The following ANKHD1 variants were observed in gnomAD, a reference collection of about 807,000 sequenced individuals.
The protein encoded by ANKHD1 is ankyrin repeat and KH domain containing 1.
Under a neutral mutation model 230.5 loss-of-function variants are expected in ANKHD1, and 31 were observed. That is an observed-to-expected ratio of 0.13 (90% confidence interval 0.10 to 0.18). The LOEUF (loss-of-function observed/expected upper bound fraction) is 0.18, where lower values mean the gene tolerates loss of function less well. ANKHD1 is among the 10% of genes least tolerant of loss of function. The pLI is 1.00. For missense variants in ANKHD1, 2,256 were observed against 3,071.3 expected (o/e 0.73, Z 6.27); for synonymous variants, 1,074 against 1,117.6 (o/e 0.96, Z 0.78).
intron 5 of ANKHD1, among the ~76,000 whole-genome samples, chr5:140,442,671 AT>A (rs961258317): frequency 3.3e-5 from 5 of 152,130 alleles, no homozygotes; most frequent in Non-Finnish European, 5.9e-5. Context: ...GATTTACTTA[AT>A]TTTTTATCTG....
chr5:140,449,434 T>C, intron 7 of ANKHD1, 129 bp downstream of exon 7: 2 of 1,029,202 alleles, frequency 1.9e-6, no homozygotes, highest in Admixed American at 5.2e-5. Flanking sequence ...AGAGGCCAAG[T>C]CGGGCGGATC....
chr5:140,429,567 G>T (rs950768333), intron 1 of ANKHD1, among the ~76,000 whole-genome samples: 8 of 152,104 alleles, frequency 5.3e-5, no homozygotes, highest in Non-Finnish European at 8.8e-5. Flanking sequence ...AGCTTGGCTG[G>T]TGTTCTTTTT....
chr5:140,518,357 G>A (rs1185655525), intron 24 of ANKHD1, among the ~76,000 whole-genome samples: 1 of 152,052 alleles, frequency 6.6e-6, no homozygotes, highest in Non-Finnish European at 1.5e-5. Flanking sequence ...TCTACCAGAG[G>A]TACAAGGAGG....
Position 140,527,908 on chromosome 5 carries a change from C to T in ANKHD1, c.5123C>T (p.Ser1708Leu). The T allele has an allele frequency of 6.2e-7, 1 of 1,613,624 alleles. No individual in the cohort carries two copies. The highest frequency in any genetic ancestry group is 8.5e-7 in the Non-Finnish European group (1 of 1,179,844). Residue 1708 changes from serine to leucine, a missense_variant, in exon 28 of 34, where the codon TCG becomes TTG. Ser to Leu is a moderately radical substitution (Grantham distance 145). Coordinates refer to ENST00000360839, the MANE Select transcript of ANKHD1 (RefSeq NM_017747.3). This position sits in a 1 kb window ranked among gnomAD's most constrained non-coding sequence, Gnocchi z 4.5. ...KKLSVPASVV[S>L]RIMGRGGCNI... ...TTGTCTGTTCCAGCCTCAGTGGTGT[C>T]GAGGATAATGGGAAGAGGAGGATGC...
At chr5:140,538,839 T>C in intron 32 of ANKHD1, 80 bp from the exon 33 acceptor site, 2 of 1,322,456 alleles carry the variant, frequency 1.5e-6, no homozygotes, top group East Asian at 2.8e-5. Context: ...TAGAGAAGTC[T>C]AAGCTGGTAT....
intron 32 of ANKHD1, 122 bp downstream of exon 32, chr5:140,538,383 G>A (rs1754168260): frequency 1.3e-6 from 2 of 1,487,498 alleles, no homozygotes; most frequent in Non-Finnish European, 1.8e-6. Context: ...TAGATCTTTT[G>A]CTTAATTTCA....
chr5:140,454,569 C>T (rs985713007), intron 7 of ANKHD1, among the ~76,000 whole-genome samples: 2 of 152,138 alleles, frequency 1.3e-5, no homozygotes, highest in African/African-American at 4.8e-5. Context: ...CACTCAAAAC[C>T]GCTCAACTAC....
chr5:140,436,673 GAGGGGGA>G (rs1415339162), intron 2 of ANKHD1, among the ~76,000 whole-genome samples: 2 of 151,604 alleles, frequency 1.3e-5, no homozygotes, highest in Non-Finnish European at 2.9e-5. Context: ...TTGAACCCTA[GAGGGGGA>G]GGTTTCAGTG....
At chr5:140,454,569 C>G (rs985713007) in intron 7 of ANKHD1, among the ~76,000 whole-genome samples, 5 of 152,138 alleles carry the variant, frequency 3.3e-5, no homozygotes, top group African/African-American at 1.2e-4. Context: ...CACTCAAAAC[C>G]GCTCAACTAC....
chr5:140,406,709 A>G (rs1770487447), intron 1 of ANKHD1, among the ~76,000 whole-genome samples: 1 of 151,826 alleles, frequency 6.6e-6, no homozygotes, highest in East Asian at 1.9e-4. Flanking sequence ...TAATTTTTCT[A>G]TCTTTAGCAG....
chr5:140,517,105 C>G (rs1284224167), intron 24 of ANKHD1, among the ~76,000 whole-genome samples: 1 of 145,318 alleles, frequency 6.9e-6, no homozygotes, highest in Non-Finnish European at 1.5e-5. Flanking sequence ...ATCTACCAAG[C>G]AAATGGAAAA....
rs1751441854 is a variant in ANKHD1, at chr5:140,485,046, A to T, written c.1871-75A>T. 2.7e-6 allele frequency: 4 copies of T among 1,507,292 alleles called. No individual in the cohort carries two copies. In the African/African-American group the frequency reaches 4.2e-5, roughly 16 times the overall value. The allele number at this position is 1,507,292 out of a possible 1,614,324, so 93.4% of individuals were successfully genotyped here. On this transcript the variant is annotated intron_variant, in intron 11 of 33. Coordinates refer to ENST00000360839, the MANE Select transcript of ANKHD1 (RefSeq NM_017747.3). This position sits in a 1 kb window ranked among gnomAD's most constrained non-coding sequence, Gnocchi z 4.8. Reference sequence around the variant, plus strand: ...GTATCTACATTATACTTCACAAAAAATTTTTAAATGATATTGACTATGAAC... The same window carrying T: ...GTATCTACATTATACTTCACAAAAATTTTTTAAATGATATTGACTATGAAC...
At chr5:140,408,692 AT>A (rs902956370) in intron 1 of ANKHD1, among the ~76,000 whole-genome samples, 4 of 151,936 alleles carry the variant, frequency 2.6e-5, no homozygotes, top group Non-Finnish European at 5.9e-5. Context: ...TTTTAATTAA[AT>A]TTTTTTTACC....
rs1466845547 is a variant in ANKHD1 at position 140,510,194 on chromosome 5, G to C, written c.4104+13G>C. 6.3e-7 allele frequency: 1 copy of C among 1,582,058 alleles called. No homozygotes were observed. The highest frequency in any genetic ancestry group is 2.3e-5 in the East Asian group (1 of 44,210). ...AGCATTTCGCAAGGTAATTTGATATGGGGGAAGAAAGGTCAATTTTAAGCC... is the reference window on the plus strand; with the variant it reads ...AGCATTTCGCAAGGTAATTTGATATCGGGGAAGAAAGGTCAATTTTAAGCC... On this transcript the variant is annotated intron_variant, in intron 22 of 33. Transcript: ENST00000360839.
intron 1 of ANKHD1, among the ~76,000 whole-genome samples, chr5:140,422,888 T>C (rs550115637): frequency 6.6e-6 from 1 of 151,776 alleles, no homozygotes; most frequent in Admixed American, 6.6e-5. Flanking sequence ...TTATTGTTTA[T>C]TTTTTGAGAC....
chr5:140,529,790 C>T lies in ANKHD1; in HGVS notation c.6844C>T (p.Pro2282Ser), dbSNP rs1753733485. The T allele has an allele frequency of 2.5e-6, 4 of 1,613,650 alleles. No individual in the cohort carries two copies. The highest frequency in any genetic ancestry group is 3.4e-6 in the Non-Finnish European group (4 of 1,179,862). The change falls in exon 29 of 34, where the codon CCA becomes TCA. Residue 2282 changes from proline to serine, a missense_variant. This residue lies in a region of ANKHD1 where 778 missense variants were observed against 966.5 expected (regional missense o/e 0.80). Coordinates refer to ENST00000360839, the MANE Select transcript of ANKHD1 (RefSeq NM_017747.3). ...ACCTTCCCAGCGAGTTTCTACTAGT[C>T]CAGTTGGTAAGTTATTAACTATTGC... ...RPPSQRVSTSPVGLPSIDPSG... is the reference protein window; with the variant it reads ...RPPSQRVSTSSVGLPSIDPSG...
At chr5:140,491,156 ATATATTT>A (rs1169448693) in intron 14 of ANKHD1, among the ~76,000 whole-genome samples, 19 of 94,912 alleles carry the variant, frequency 2.0e-4, no homozygotes, top group African/African-American at 7.5e-4. Flanking sequence ...ATATATATAT[ATATATTT>A]TTTTTTTTTT....
At chr5:140,446,032 G>T in intron 6 of ANKHD1, 57 bp downstream of exon 6, 2 of 1,443,522 alleles carry the variant, frequency 1.4e-6, no homozygotes, top group South Asian at 1.6e-5. Flanking sequence ...TTGATTATTT[G>T]AGTATTGAGT....
chr5:140,461,258 C>G (rs550452845), intron 9 of ANKHD1, among the ~76,000 whole-genome samples: 44 of 152,256 alleles, frequency 2.9e-4, no homozygotes, highest in Non-Finnish European at 5.6e-4. Flanking sequence ...GGGACAGAGT[C>G]AACATTCAAA....
Sources: allele counts gnomAD v4.1 joint callset (sites outside exome capture counted in the v4.1 genomes callset), GRCh38; gene constraint gnomAD v4.1.1; regional missense constraint gnomAD v4.1.1; non-coding constraint Gnocchi (gnomAD v3.1); transcripts MANE v1.5; gene names NCBI Gene and HGNC (gene_info 2026-07-23, HGNC 2026-07-21).